The following DAAM1 variants were observed in gnomAD, a reference collection of about 807,000 sequenced individuals.
DAAM1 encodes disheveled-associated activator of morphogenesis 1.
DAAM1 carries 52 observed loss-of-function variants against 130.0 expected under a neutral mutation model. The ratio of observed to expected loss-of-function variants is 0.40; its 90% CI spans 0.32 to 0.50. The LOEUF is 0.50. Among genes scored for constraint, DAAM1 ranks in the 20% least tolerant of loss-of-function variants. The pLI, the probability that DAAM1 is intolerant of heterozygous loss-of-function variation, is 0.61. For synonymous variants in DAAM1, 452 were observed against 444.5 expected (o/e 1.02, Z -0.21); for missense variants, 1,134 against 1,303.8 (o/e 0.87, Z 2.01).
chr14:59,357,692 C>T (rs577070011), intron 20 of DAAM1, among the ~76,000 whole-genome samples: 3 of 152,212 alleles, frequency 2.0e-5, no homozygotes, highest in Non-Finnish European at 2.9e-5. Flanking sequence ...GCAGGAGAAT[C>T]GCTTGAACCC....
intron 1 of DAAM1, among the ~76,000 whole-genome samples, chr14:59,191,542 A>G (rs1340621636): frequency 6.6e-6 from 1 of 152,150 alleles, no homozygotes; most frequent in Non-Finnish European, 1.5e-5. Context: ...TAGCTTTTCT[A>G]TCAAGCAGTT....
chr14:59,289,900 A>G (rs1883664705), intron 2 of DAAM1, among the ~76,000 whole-genome samples: 1 of 151,926 alleles, frequency 6.6e-6, no homozygotes, highest in African/African-American at 2.4e-5. Flanking sequence ...GAAATATCGC[A>G]TGTTCTCACT....
At chr14:59,273,514 T>A (rs776896091) in intron 2 of DAAM1, among the ~76,000 whole-genome samples, 1 of 152,210 alleles carries the variant, frequency 6.6e-6, no homozygotes, top group East Asian at 1.9e-4. Flanking sequence ...TTGGTCCTGA[T>A]GATTTTTATT....
At chr14:59,203,738 C>T (rs557880667) in intron 1 of DAAM1, among the ~76,000 whole-genome samples, 1 of 152,270 alleles carries the variant, frequency 6.6e-6, no homozygotes, top group Admixed American at 6.5e-5. Context: ...TACTTTATAC[C>T]TGCTGTGATG....
chr14:59,345,923 T>TA (rs1349161060), intron 16 of DAAM1, among the ~76,000 whole-genome samples: 1 of 152,326 alleles, frequency 6.6e-6, no homozygotes, highest in East Asian at 1.9e-4. Flanking sequence ...ATAATTACCA[T>TA]ACTAAGCACT....
At chr14:59,335,178 T>C (rs1177881829) in intron 15 of DAAM1, among the ~76,000 whole-genome samples, 1 of 152,204 alleles carries the variant, frequency 6.6e-6, no homozygotes, top group Non-Finnish European at 1.5e-5. Context: ...TCAGACTTTG[T>C]ATAGGATTTT....
rs570180985 is a variant in DAAM1, at chr14:59,365,482, A to G, written c.2826+1700A>G. Among the ~76,000 whole-genome samples, 13 of 31,210 alleles carry G rather than the reference A, an allele frequency of 4.2e-4. No homozygotes were observed. In the East Asian group the frequency reaches 0.065, roughly 157 times the overall value. 20.5% of individuals were successfully genotyped at this position (31,210 alleles called of 152,430 possible). A position where few individuals can be genotyped will look rare whatever the true frequency, so the allele number is the denominator to read the frequency against. On this transcript the variant is annotated intron_variant, in intron 23 of 24. Coordinates refer to ENST00000360909, the MANE Select transcript of DAAM1 (RefSeq NM_001270520.2). ...ACTCTTTTCTAATAGAATATTTCCAAATAAGTAAACATTGAAAACAACTCC... is the reference window on the plus strand; with the variant it reads ...ACTCTTTTCTAATAGAATATTTCCAGATAAGTAAACATTGAAAACAACTCC...
intron 2 of DAAM1, chr14:59,264,326 G>C (rs1164093511): frequency 6.5e-6 from 1 of 153,196 alleles, no homozygotes; most frequent in East Asian, 1.9e-4. Context: ...GCATCAAGTA[G>C]TGTTTCTATT....
intron 3 of DAAM1, among the ~76,000 whole-genome samples, chr14:59,292,252 G>A (rs192434028): frequency 4.6e-5 from 7 of 152,256 alleles, no homozygotes; most frequent in East Asian, 1.9e-4. Context: ...ACTCACTCTC[G>A]ACCCAGGGAA....
At chr14:59,225,702 T>TG (rs35187550) in intron 1 of DAAM1, among the ~76,000 whole-genome samples, 38,774 of 152,088 alleles carry the variant, frequency 0.25, 5,411 homozygotes, top group East Asian at 0.49. Flanking sequence ...GATTTGAGGC[T>TG]GTCCTTGGGC....
chr14:59,324,146 G>A lies in DAAM1; in HGVS notation c.793G>A (p.Asp265Asn). 1 of 1,413,178 alleles carries A rather than the reference G, an allele frequency of 7.1e-7. No homozygotes were observed. Among genetic ancestry groups the A allele is most frequent in the Non-Finnish European group, 9.3e-7 (1 of 1,074,458 alleles). 87.5% of individuals were successfully genotyped at this position (1,413,178 alleles called of 1,614,324 possible). ...TRFQTLINDL[D>N]KSTGRYRDEV... ...TTGATAGACATTAATTAACGACTTG[G>A]ATAAAAGCACTGGGCGGTATCGAGA... The change falls in exon 7 of 25, where the codon GAT becomes AAT. Residue 265 changes from aspartate (D) to asparagine (N), a missense_variant. Asp to Asn is a conservative substitution (Grantham distance 23). Transcript: ENST00000360909.
chr14:59,336,298 T>C (rs1885623972), intron 15 of DAAM1, among the ~76,000 whole-genome samples: 2 of 152,206 alleles, frequency 1.3e-5, no homozygotes, highest in South Asian at 2.1e-4. Flanking sequence ...CAACTTCCTA[T>C]TTATACTCCA....
At chr14:59,337,591 CTT>C (rs1295331182) in intron 15 of DAAM1, among the ~76,000 whole-genome samples, 1 of 152,210 alleles carries the variant, frequency 6.6e-6, no homozygotes, top group Non-Finnish European at 1.5e-5. Flanking sequence ...TATGCTGTAA[CTT>C]TCTCACAGCA....
At chr14:59,193,759 G>A (rs997775379) in intron 1 of DAAM1, among the ~76,000 whole-genome samples, 8 of 152,128 alleles carry the variant, frequency 5.3e-5, no homozygotes, top group Non-Finnish European at 1.2e-4. Context: ...GGCTGTCCAC[G>A]TCTGGAATGT....
chr14:59,334,225 C>T (rs1885542757), intron 15 of DAAM1, among the ~76,000 whole-genome samples: 1 of 151,988 alleles, frequency 6.6e-6, no homozygotes, highest in Non-Finnish European at 1.5e-5. Context: ...ATAGAAAATC[C>T]AAAGATGTGG....
chr14:59,326,907 T>A (rs771170546), intron 11 of DAAM1, 26 bp from the exon 12 acceptor site: 71 of 1,612,928 alleles, frequency 4.4e-5, no homozygotes, highest in Non-Finnish European at 5.9e-5. Flanking sequence ...TTTTTTGTAA[T>A]AAATGCTCCT....
chr14:59,215,694 C>T (rs1278015827), intron 1 of DAAM1, among the ~76,000 whole-genome samples: 2 of 152,168 alleles, frequency 1.3e-5, no homozygotes, highest in East Asian at 3.8e-4. Flanking sequence ...GGCAAAATCC[C>T]AGCTCCTTTG....
intron 1 of DAAM1, among the ~76,000 whole-genome samples, chr14:59,252,674 T>TA (rs2139484335): frequency 1.5e-5 from 2 of 134,240 alleles, no homozygotes; most frequent in East Asian, 4.0e-4. Flanking sequence ...CACCAAACAG[T>TA]GGTTAACATA....
chr14:59,333,227 A>C (rs1885507802), intron 15 of DAAM1, among the ~76,000 whole-genome samples: 1 of 152,196 alleles, frequency 6.6e-6, no homozygotes, highest in South Asian at 2.1e-4. Context: ...AAATACAAAA[A>C]TAGAGGCGGT....
Sources: gnomAD v4.1 joint callset for allele counts (sites outside exome capture counted in the v4.1 genomes callset) on GRCh38, gnomAD v4.1.1 for gene constraint, MANE v1.5 for transcripts, NCBI Gene and HGNC (gene_info 2026-07-23, HGNC 2026-07-21) for gene names.